The following ACYP2 variants were observed in gnomAD, a reference collection of about 807,000 sequenced individuals.
The protein encoded by ACYP2 is acylphosphatase 2, also known as acylphosphatase-2.
In ACYP2, 12 loss-of-function variants were observed where a neutral mutation model predicts 11.2. The ratio of observed to expected loss-of-function variants is 1.08; its 90% CI spans 0.69 to 1.74. ACYP2 has a LOEUF of 1.74. Ranked by LOEUF, ACYP2 falls within the 40% of genes most tolerant of loss-of-function variation. The probability of loss-of-function intolerance (pLI) is 0.00; values close to 1 mark genes in which losing one functional copy is unlikely to be tolerated. For missense variants in ACYP2, 134 were observed against 101.9 expected (o/e 1.31, Z -1.35); for synonymous variants, 43 against 32.2 (o/e 1.33, Z -1.13).
At chr2:54,208,528 G>A (rs1440940046) in intron 6 of ACYP2, among the ~76,000 whole-genome samples, 3 of 152,024 alleles carry the variant, frequency 2.0e-5, no homozygotes, top group African/African-American at 2.4e-5. Context: ...GACTCCCAGG[G>A]TTGGGCAGGA....
At chr2:54,110,210 T>C (rs1440062964) in intron 4 of ACYP2, among the ~76,000 whole-genome samples, 2 of 152,152 alleles carry the variant, frequency 1.3e-5, no homozygotes, top group Non-Finnish European at 2.9e-5. Flanking sequence ...GCTTCAAAAC[T>C]GTCACCATTT....
intron 6 of ACYP2, among the ~76,000 whole-genome samples, chr2:54,230,354 G>A (rs1007401101): frequency 1.3e-5 from 2 of 151,938 alleles, no homozygotes; most frequent in African/African-American, 2.4e-5. Context: ...CCTTTTTTTT[G>A]TTTCGTTTTT....
rs370814991 is a variant in ACYP2, at chr2:54,061,352, A to G, written c.277+3992A>G. On this transcript the variant is annotated intron_variant, in intron 4 of 6. Transcript: ENST00000607452. Reference sequence around the variant, plus strand: ...CTTTGAGCAAACTTCCCCTTCCCCAATTTGTGTGGTTCTGGTGGGGCTGCC... The same window carrying G: ...CTTTGAGCAAACTTCCCCTTCCCCAGTTTGTGTGGTTCTGGTGGGGCTGCC... Among the ~76,000 whole-genome samples the G allele has an allele frequency of 2.5e-3, 376 of 152,242 alleles. 3 individuals are homozygous for G. The highest frequency in any genetic ancestry group is 4.2e-3 in the Non-Finnish European group (288 of 68,016).
chr2:54,300,684 A>G (rs1045373698), intron 6 of ACYP2, among the ~76,000 whole-genome samples: 2 of 152,146 alleles, frequency 1.3e-5, no homozygotes, highest in Admixed American at 6.5e-5. Flanking sequence ...CTGCATGCTA[A>G]TCATCTCAGA....
intron 2 of ACYP2, chr2:54,030,546 C>G (rs886362437): frequency 6.5e-6 from 1 of 154,212 alleles, no homozygotes; most frequent in Admixed American, 6.5e-5. Context: ...TCATGCAGCC[C>G]CGTCTGTGCA....
At chr2:54,044,047 A>T (rs1052347851) in intron 2 of ACYP2, among the ~76,000 whole-genome samples, 1 of 152,288 alleles carries the variant, frequency 6.6e-6, no homozygotes, top group Non-Finnish European at 1.5e-5. Context: ...TTAAGTGGAA[A>T]GCCCCATCAA....
chr2:53,976,635 G>GA (rs75488045), intron 2 of ACYP2, among the ~76,000 whole-genome samples: 61,944 of 151,918 alleles, frequency 0.41, 12,813 homozygotes, highest in South Asian at 0.51. Flanking sequence ...GATTTGGGAG[G>GA]AAAAAAAGAA....
chr2:54,258,173 A>G (rs908102442), intron 6 of ACYP2, among the ~76,000 whole-genome samples: 13 of 151,842 alleles, frequency 8.6e-5, no homozygotes, highest in African/African-American at 2.4e-4. Context: ...TTAGAAAGTT[A>G]TAAGTGCTAT....
At chr2:54,244,079 T>A (rs188912416) in intron 6 of ACYP2, among the ~76,000 whole-genome samples, 271 of 152,292 alleles carry the variant, frequency 1.8e-3, no homozygotes, top group Non-Finnish European at 2.8e-3. Context: ...TCCTTTAGAA[T>A]TTACCTGGTA....
intron 6 of ACYP2, among the ~76,000 whole-genome samples, chr2:54,208,698 A>T (rs1685198268): frequency 8.5e-6 from 1 of 118,154 alleles, no homozygotes; most frequent in African/African-American, 3.2e-5. Context: ...TTGAAAAAAA[A>T]GGGAGACTTT....
chr2:54,255,456 C>T (rs768555656), intron 6 of ACYP2: 1 of 1,613,922 alleles, frequency 6.2e-7, no homozygotes, highest in African/African-American at 1.3e-5. Flanking sequence ...ATTCATGAAT[C>T]TGCCCAAACC....
At chr2:54,249,430 G>C (rs1162059729) in intron 6 of ACYP2, among the ~76,000 whole-genome samples, 3 of 128,350 alleles carry the variant, frequency 2.3e-5, no homozygotes, top group Non-Finnish European at 3.3e-5. Flanking sequence ...GTGAGACTCC[G>C]TCTCAAAAAA....
chr2:54,049,905 T>A (rs1675742460), intron 2 of ACYP2, among the ~76,000 whole-genome samples: 1 of 152,184 alleles, frequency 6.6e-6, no homozygotes. Context: ...ATCAGTTATT[T>A]TCCAAGGAGC....
intron 4 of ACYP2, among the ~76,000 whole-genome samples, chr2:54,124,855 A>G (rs369909259): frequency 4.6e-5 from 7 of 152,252 alleles, no homozygotes; most frequent in East Asian, 3.9e-4. Context: ...GGCAAGTGCT[A>G]TCATGTGCTA....
chr2:54,194,332 G>T (rs1024658489), intron 6 of ACYP2, among the ~76,000 whole-genome samples: 1 of 151,948 alleles, frequency 6.6e-6, no homozygotes, highest in South Asian at 2.1e-4. Context: ...GAGCCACCGC[G>T]CCCAGCCCCC....
chr2:54,043,087 G>A (rs1380701334), intron 2 of ACYP2, among the ~76,000 whole-genome samples: 1 of 152,130 alleles, frequency 6.6e-6, no homozygotes, highest in Non-Finnish European at 1.5e-5. Flanking sequence ...GTGTGTGTGT[G>A]TGTGTGTGTG....
At chr2:54,159,660 G>A (rs1016323234) in intron 6 of ACYP2, among the ~76,000 whole-genome samples, 6 of 152,156 alleles carry the variant, frequency 3.9e-5, no homozygotes, top group African/African-American at 1.4e-4. Flanking sequence ...TGGGGTGAGA[G>A]AGGTAGGCAG....
At chr2:54,098,366 G>C (rs1678708148) in intron 4 of ACYP2, among the ~76,000 whole-genome samples, 1 of 152,114 alleles carries the variant, frequency 6.6e-6, no homozygotes, top group Non-Finnish European at 1.5e-5. Flanking sequence ...GGCCCACGTT[G>C]AATTTGATTG....
intron 2 of ACYP2, among the ~76,000 whole-genome samples, chr2:53,973,977 G>A (rs1468625609): frequency 6.8e-6 from 1 of 146,750 alleles, no homozygotes; most frequent in Non-Finnish European, 1.5e-5. Context: ...ATCCATCTCG[G>A]CTCACTGCAA....
Sources: gnomAD v4.1 joint callset for allele counts (sites outside exome capture counted in the v4.1 genomes callset) on GRCh38, gnomAD v4.1.1 for gene constraint, MANE v1.5 for transcripts, NCBI Gene and HGNC (gene_info 2026-07-23, HGNC 2026-07-21) for gene names.